The following KDM5A variants were observed in gnomAD, a reference collection of about 807,000 sequenced individuals.
KDM5A encodes the protein lysine demethylase 5A.
A neutral mutation model predicts 193.5 loss-of-function variants in KDM5A; 42 were observed. That is an observed-to-expected ratio of 0.22 (90% CI 0.17 to 0.28). The LOEUF is 0.28. Among genes scored for constraint, KDM5A ranks in the 10% least tolerant of loss-of-function variants. The pLI, the probability that KDM5A is intolerant of heterozygous loss-of-function variation, is 1.00. For missense variants in KDM5A, 1,692 were observed against 2,055.1 expected, an observed-to-expected ratio of 0.82 and a Z score of 3.42; for synonymous variants, 796 against 718.1, an observed-to-expected ratio of 1.11 and a Z score of -1.73.
At position 366,007 on chromosome 12, in the gene KDM5A, C is replaced by T. The variant is rs199890971; in HGVS notation, c.464G>A (p.Gly155Glu). The part of the protein sequence containing the change: ...RLGYLPGKGT[G>E]SLLKSHYERI... Reference sequence around the variant, plus strand: ...TTCATAATGTGACTTCAAAAGAGACCCAGTTCCTTTTCCTGGCAGATATCC... The same window carrying T: ...TTCATAATGTGACTTCAAAAGAGACTCAGTTCCTTTTCCTGGCAGATATCC... Residue 155 changes from glycine (G) to glutamate (E), a missense_variant, in exon 4 of 28, where the codon GGG becomes GAG. Gly to Glu is a moderately conservative substitution (Grantham distance 98, BLOSUM62 -2). Transcript: ENST00000399788. 1 of 1,613,684 alleles carries T rather than the reference C, an allele frequency of 6.2e-7. No homozygotes were observed.
At chr12:346,701 T>C (rs968908495) in intron 10 of KDM5A, among the ~76,000 whole-genome samples, 2 of 152,146 alleles carry the variant, frequency 1.3e-5, no homozygotes, top group African/African-American at 4.8e-5. Context: ...AAAAGGCCTT[T>C]GACAAAATTC....
chr12:284,562 G>C lies in KDM5A; in HGVS notation c.*894C>G, dbSNP rs1157812901. The C allele has an allele frequency of 4.3e-5, 10 of 232,798 alleles. No individual in the cohort carries two copies. Among genetic ancestry groups the C allele is most frequent in the Non-Finnish European group, 7.7e-5 (9 of 117,616 alleles). 14.4% of individuals were successfully genotyped at this position (232,798 alleles called of 1,614,324 possible). On this transcript the variant is annotated 3_prime_UTR_variant, in exon 28 of 28. Coordinates refer to ENST00000399788, the MANE Select transcript of KDM5A (RefSeq NM_001042603.3). Reference sequence around the variant, plus strand: ...CCTGGTGTCTGGAATACTTGTGAATGAAGTTTTCCCCGAAAAGCATGCATC... The same window carrying C: ...CCTGGTGTCTGGAATACTTGTGAATCAAGTTTTCCCCGAAAAGCATGCATC...
intron 3 of KDM5A, among the ~76,000 whole-genome samples, chr12:373,187 A>C (rs933305486): frequency 6.6e-6 from 1 of 152,156 alleles, no homozygotes; most frequent in Non-Finnish European, 1.5e-5. Context: ...CTCCTTGTAC[A>C]TCTGGTAGAA....
rs778322684 is a variant in KDM5A, at chr12:321,006, G to A, written c.2530C>T (p.Arg844Trp). 10 of 1,611,750 alleles carry A rather than the reference G, an allele frequency of 6.2e-6. No individual in the cohort carries two copies. Among genetic ancestry groups the A allele is most frequent in the South Asian group, 2.2e-5 (2 of 91,020 alleles). ...ATGTAATACTCCACCTTTACTTGCCGAGCTTGGCTGATGACACACGGAAGA... is the reference window on the plus strand; with the variant it reads ...ATGTAATACTCCACCTTTACTTGCCAAGCTTGGCTGATGACACACGGAAGA... Reference protein sequence around the residue: ...FSLPCVISQARQVKNLLDDVE... With the variant: ...FSLPCVISQAWQVKNLLDDVE... Residue 844 changes from arginine (R) to tryptophan (W), a missense_variant, in exon 18 of 28, where the codon CGG becomes TGG. Arg to Trp is a moderately radical substitution (Grantham distance 101). Coordinates refer to ENST00000399788, the MANE Select transcript of KDM5A (RefSeq NM_001042603.3).
intron 26 of KDM5A, 72 bp from the exon 27 acceptor site, chr12:293,241 G>C (rs1943323223): frequency 7.7e-7 from 1 of 1,306,872 alleles, no homozygotes; most frequent in Non-Finnish European, 1.1e-6. Flanking sequence ...TCTTATATGA[G>C]GTACCTAGAA....
intron 7 of KDM5A, among the ~76,000 whole-genome samples, chr12:354,831 A>C (rs1227748638): frequency 2.0e-5 from 3 of 152,214 alleles, no homozygotes; most frequent in Non-Finnish European, 4.4e-5. Flanking sequence ...TTTTAAAAAT[A>C]CCATGTCCTT....
chr12:300,238 C>T (rs1943425149), intron 24 of KDM5A, among the ~76,000 whole-genome samples: 1 of 152,156 alleles, frequency 6.6e-6, no homozygotes. Flanking sequence ...ACATTCTGCT[C>T]AGCACCACAT....
chr12:354,860 T>A (rs1275354217), intron 7 of KDM5A, among the ~76,000 whole-genome samples: 2 of 152,192 alleles, frequency 1.3e-5, no homozygotes, highest in Admixed American at 6.5e-5. Context: ...ATACAAATCC[T>A]CTTTGATAGA....
At position 355,271 on chromosome 12, in the gene KDM5A, A is replaced by G; in HGVS notation, c.779-22T>C. 4 of 1,414,064 alleles carry G rather than the reference A, an allele frequency of 2.8e-6. No homozygotes were observed. The South Asian group carries it at 3.5e-5, about 12-fold the overall frequency. The allele number at this position is 1,414,064 out of a possible 1,614,324, so 87.6% of individuals were successfully genotyped here. A position where few individuals can be genotyped will look rare whatever the true frequency, so the allele number is the denominator to read the frequency against. ...TCATCTTGAAATAAAAAGTTACACA[A>G]TAATAGTAAAAACCAATGTTGAGAG... On this transcript the variant is annotated intron_variant, in intron 6 of 27. Coordinates refer to ENST00000399788, the MANE Select transcript of KDM5A (RefSeq NM_001042603.3).
intron 26 of KDM5A, 49 bp downstream of exon 26, chr12:295,524 T>C (rs771094146): frequency 4.6e-6 from 7 of 1,537,564 alleles, no homozygotes; most frequent in South Asian, 2.2e-5. Flanking sequence ...CTAAGGAACC[T>C]AGGCATTCTA....
chr12:388,918 C>A lies in KDM5A; in HGVS notation c.165+9G>T, dbSNP rs1565556600. 6.2e-7 allele frequency: 1 copy of A among 1,614,128 alleles called. No homozygotes were observed. Among genetic ancestry groups the A allele is most frequent in the East Asian group, 2.2e-5 (1 of 44,884 alleles). ...CCTTCTCCCCCTCTCTCTTCACAGA[C>A]TGAGGTACCTTGGGCGGCCGAATTT... is the stretch of plus-strand genomic sequence containing the variant. On this transcript the variant is annotated intron_variant, in intron 1 of 27. Coordinates refer to ENST00000399788, the MANE Select transcript of KDM5A (RefSeq NM_001042603.3).
intron 5 of KDM5A, 60 bp from the exon 6 acceptor site, chr12:356,597 T>C: frequency 1.8e-6 from 2 of 1,115,532 alleles, no homozygotes; most frequent in Non-Finnish European, 2.7e-6. Context: ...TTAATTTTTT[T>C]ACCCAAGGAA....
chr12:290,924 C>T (rs1943285282), intron 27 of KDM5A, among the ~76,000 whole-genome samples: 1 of 152,090 alleles, frequency 6.6e-6, no homozygotes, highest in Non-Finnish European at 1.5e-5. Context: ...AACATCCTAC[C>T]TTGCTGCTAG....
At chr12:327,600 T>G (rs932509492) in intron 14 of KDM5A, among the ~76,000 whole-genome samples, 18 of 152,122 alleles carry the variant, frequency 1.2e-4, no homozygotes, top group Admixed American at 4.6e-4. Flanking sequence ...TCCCAGCTAC[T>G]TGGTAGGCTA....
At chr12:354,993 A>C (rs1944213413) in intron 7 of KDM5A, among the ~76,000 whole-genome samples, 165 bp downstream of exon 7, 1 of 152,206 alleles carries the variant, frequency 6.6e-6, no homozygotes, top group Admixed American at 6.5e-5. Context: ...TGTAGGACAG[A>C]GCCAGGTTAA....
intron 2 of KDM5A, among the ~76,000 whole-genome samples, chr12:384,870 CTAAT>C (rs1944620653): frequency 3.9e-5 from 6 of 152,144 alleles, no homozygotes; most frequent in Non-Finnish European, 8.8e-5. Flanking sequence ...TGTCAAGTAT[CTAAT>C]TACAAGAGAC....
chr12:387,402 T>C, intron 1 of KDM5A: 1 of 204,074 alleles, frequency 4.9e-6, no homozygotes. Context: ...ATAGAATTTC[T>C]AATTAATAAA....
rs187390764 is a variant in KDM5A, at chr12:322,606, T to G, written c.2276-39A>C. The G allele has an allele frequency of 5.7e-6, 9 of 1,577,414 alleles. No homozygotes were observed. In the Admixed American group the frequency reaches 1.5e-4, roughly 26 times the overall value. The stretch of plus-strand genomic sequence containing the variant: ...AATAAAGAGCCATATACAATAACCA[T>G]AGACACAAAAAGCCATTCTAAAATC... On this transcript the variant is annotated intron_variant, in intron 16 of 27. Transcript: ENST00000399788.
chr12:364,771 T>C (rs144465281), intron 4 of KDM5A, among the ~76,000 whole-genome samples: 2,897 of 105,024 alleles, frequency 0.028, 42 homozygotes, highest in Non-Finnish European at 0.04. Flanking sequence ...GGCGACGGAG[T>C]CTCATCTCAA....
Sources: allele counts gnomAD v4.1 joint callset (sites outside exome capture counted in the v4.1 genomes callset), GRCh38; gene constraint gnomAD v4.1.1; transcripts MANE v1.5; gene names NCBI Gene and HGNC (gene_info 2026-07-23, HGNC 2026-07-21).